Variants in ACBD6 observed in about 807,000 individuals in gnomAD.
ACBD6 encodes the protein acyl-CoA binding domain containing 6, also known as acyl-CoA-binding domain-containing protein 6.
A neutral mutation model predicts 37.2 loss-of-function variants in ACBD6; 28 were observed. The observed-to-expected ratio is 0.75, with a 90% CI of 0.56 to 1.03. The LOEUF is 1.03. ACBD6 is among the 50% of genes least tolerant of loss of function. ACBD6 has a pLI of 0.00. For missense variants in ACBD6, 340 were observed against 337.4 expected (o/e 1.01, Z -0.06); for synonymous variants, 113 against 126.8 (o/e 0.89, Z 0.73).
At chr1:180,356,613 G>A (rs111987968) in intron 6 of ACBD6, among the ~76,000 whole-genome samples, 5,037 of 151,930 alleles carry the variant, frequency 0.033, 240 homozygotes, top group African/African-American at 0.091. Flanking sequence ...TTGGGAGGCC[G>A]CGGCAGGTGG....
chr1:180,398,470 T>C (rs1186253406), intron 5 of ACBD6, among the ~76,000 whole-genome samples: 1 of 152,208 alleles, frequency 6.6e-6, no homozygotes, highest in Non-Finnish European at 1.5e-5. Flanking sequence ...ATTGCAAGTT[T>C]ACACTCTGAA....
chr1:180,462,430 G>A (rs1557880876), intron 3 of ACBD6, among the ~76,000 whole-genome samples: 1 of 151,962 alleles, frequency 6.6e-6, no homozygotes, highest in East Asian at 1.9e-4. Flanking sequence ...AAGAAAAGGA[G>A]TTACAATCTT....
chr1:180,275,794 A>T (rs1031986408), intron 9 of ACBD6: 9 of 152,402 alleles, frequency 5.9e-5, no homozygotes, highest in African/African-American at 2.2e-4. Flanking sequence ...GACACCTGCC[A>T]TGCCTTGGGC....
At chr1:180,431,350 CAT>C (rs1648806269) in intron 3 of ACBD6, among the ~76,000 whole-genome samples, 1 of 151,488 alleles carries the variant, frequency 6.6e-6, no homozygotes, top group Admixed American at 6.6e-5. Context: ...GTTATAAAAT[CAT>C]AGACGACAAC....
At chr1:180,479,514 A>G (rs1650940460) in intron 3 of ACBD6, among the ~76,000 whole-genome samples, 1 of 152,124 alleles carries the variant, frequency 6.6e-6, no homozygotes, top group African/African-American at 2.4e-5. Flanking sequence ...GGAAGAGGGG[A>G]AAATGAAGAG....
chr1:180,377,410 A>G (rs1653475342), intron 6 of ACBD6, among the ~76,000 whole-genome samples: 1 of 152,232 alleles, frequency 6.6e-6, no homozygotes, highest in Non-Finnish European at 1.5e-5. Context: ...TCTAGTGTCC[A>G]GCTCTTAGTT....
At chr1:180,471,470 G>A (rs1428879838) in intron 3 of ACBD6, among the ~76,000 whole-genome samples, 1 of 45,574 alleles carries the variant, frequency 2.2e-5, no homozygotes, top group Non-Finnish European at 3.9e-5. Flanking sequence ...TCATGCTGCT[G>A]ATAAAAACAT....
intron 2 of ACBD6, among the ~76,000 whole-genome samples, chr1:180,493,464 G>A (rs1651606731): frequency 6.6e-6 from 1 of 151,800 alleles, no homozygotes; most frequent in African/African-American, 2.4e-5. Context: ...TCCAACCAGT[G>A]TTTCTCGATT....
intron 6 of ACBD6, among the ~76,000 whole-genome samples, chr1:180,351,121 T>C (rs1443858605): frequency 1.3e-5 from 2 of 152,190 alleles, no homozygotes; most frequent in African/African-American, 4.8e-5. Flanking sequence ...TCCTATGAAA[T>C]ATAATATAGG....
intron 3 of ACBD6, among the ~76,000 whole-genome samples, chr1:180,461,371 A>G (rs1650140439): frequency 6.6e-6 from 1 of 152,182 alleles, no homozygotes; most frequent in South Asian, 2.1e-4. Flanking sequence ...TACTAGACAG[A>G]CCAACACTCA....
intron 7 of ACBD6, among the ~76,000 whole-genome samples, chr1:180,296,361 C>G (rs1016121899): frequency 6.6e-6 from 1 of 152,194 alleles, no homozygotes; most frequent in Non-Finnish European, 1.5e-5. Flanking sequence ...GAAGTGAGAG[C>G]AAGTTATCCA....
rs5779061 is a variant in ACBD6, at chr1:180,501,905, C to CAA, written c.222+138_222+139dup. On this transcript the variant is annotated intron_variant, in intron 1 of 7. Coordinates refer to ENST00000367595, the MANE Select transcript of ACBD6 (RefSeq NM_032360.4). ...ATGATGCTCATCCCCAGCAGATGGT[C>CAA]AAAAAAAAAAAAACAAAACAAAATA... 3,895 of 597,488 alleles carry CAA rather than the reference C, an allele frequency of 6.5e-3. 22 individuals carry two copies. Among genetic ancestry groups the CAA allele is most frequent in the Non-Finnish European group, 7.7e-3 (2,693 of 348,898 alleles). 37.0% of individuals were successfully genotyped at this position (597,488 alleles called of 1,614,324 possible). A position where few individuals can be genotyped will look rare whatever the true frequency, so the allele number is the denominator to read the frequency against.
rs941470217 is a variant in ACBD6 at position 180,338,800 on chromosome 1, C to T, written c.664-24078G>A. On this transcript the variant is annotated intron_variant, in intron 6 of 7. Coordinates refer to ENST00000367595, the MANE Select transcript of ACBD6 (RefSeq NM_032360.4). ...TACTCATCTGACAAAGGGTTAATAT[C>T]CAGAATCTACAAAGAACTCAAACAA... Among the ~76,000 whole-genome samples the T allele has an allele frequency of 1.9e-4, 29 of 152,240 alleles. 1 individual carries two copies. In the Middle Eastern group the frequency reaches 0.01, roughly 54 times the overall value.
At chr1:180,423,464 T>C (rs1171419192) in intron 4 of ACBD6, among the ~76,000 whole-genome samples, 5 of 152,210 alleles carry the variant, frequency 3.3e-5, no homozygotes, top group African/African-American at 1.2e-4. Flanking sequence ...GCAAGGTACT[T>C]AGTTCTAGGT....
intron 3 of ACBD6, among the ~76,000 whole-genome samples, chr1:180,479,087 T>A (rs1439421711): frequency 1.3e-5 from 2 of 152,148 alleles, no homozygotes; most frequent in Non-Finnish European, 2.9e-5. Context: ...GAGCTAGGAT[T>A]GCACCACTGC....
chr1:180,442,121 G>C (rs1355048973), intron 3 of ACBD6, among the ~76,000 whole-genome samples: 1 of 152,194 alleles, frequency 6.6e-6, no homozygotes, highest in East Asian at 1.9e-4. Flanking sequence ...GAAGTCTGCT[G>C]TAGTTCTACC....
chr1:180,462,434 C>T (rs987361508), intron 3 of ACBD6, among the ~76,000 whole-genome samples: 1 of 152,066 alleles, frequency 6.6e-6, no homozygotes, highest in African/African-American at 2.4e-5. Context: ...AAAGGAGTTA[C>T]AATCTTAAGT....
intron 3 of ACBD6, among the ~76,000 whole-genome samples, chr1:180,463,576 C>A (rs1171883138): frequency 1.3e-5 from 2 of 150,442 alleles, no homozygotes; most frequent in African/African-American, 2.4e-5. Flanking sequence ...GTCTACCAAT[C>A]AAAAAAAAAC....
At chr1:180,408,324 G>T (rs1028696371) in intron 5 of ACBD6, among the ~76,000 whole-genome samples, 1 of 152,114 alleles carries the variant, frequency 6.6e-6, no homozygotes, top group African/African-American at 2.4e-5. Context: ...ATACACCATG[G>T]AATACTATGC....
Sources: gnomAD v4.1 joint callset for allele counts (sites outside exome capture counted in the v4.1 genomes callset) on GRCh38, gnomAD v4.1.1 for gene constraint, MANE v1.5 for transcripts, NCBI Gene and HGNC (gene_info 2026-07-23, HGNC 2026-07-21) for gene names.